Variants in MICAL2 observed in about 807,000 individuals in gnomAD.
The protein encoded by MICAL2 is [F-actin]-monooxygenase MICAL2.
Under a neutral mutation model 127.3 loss-of-function variants are expected in MICAL2, and 77 were observed. The ratio of observed to expected loss-of-function variants is 0.60; its 90% CI spans 0.50 to 0.73. The LOEUF (loss-of-function observed/expected upper bound fraction) is 0.73, where lower values mean the gene tolerates loss of function less well. Ranked by LOEUF, MICAL2 falls within the 30% of genes least tolerant of loss-of-function variation. The pLI is 0.00. For missense variants in MICAL2, 1,351 were observed against 1,434.4 expected (o/e 0.94, Z 0.94); for synonymous variants, 570 against 551.1 (o/e 1.03, Z -0.48).
chr11:12,349,896 G>A (rs931650071), exon 33 of MICAL2: 1 of 1,614,156 alleles, frequency 6.2e-7, no homozygotes, highest in Non-Finnish European at 8.5e-7. Context: ...TGGTTCTGGA[G>A]AAGAATAAAT....
At chr11:12,252,927 C>T (rs1348986758) in intron 22 of MICAL2, 1 of 152,274 alleles carries the variant, frequency 6.6e-6, no homozygotes, top group Non-Finnish European at 1.5e-5. Flanking sequence ...CCACATCTCC[C>T]AGAGGCTGGG....
At chr11:12,168,739 T>C (rs984727561) in intron 3 of MICAL2, among the ~76,000 whole-genome samples, 7 of 151,238 alleles carry the variant, frequency 4.6e-5, no homozygotes, top group African/African-American at 1.7e-4. Flanking sequence ...TAAGAAAATA[T>C]AGGGTGAGAC....
intron 32 of MICAL2, among the ~76,000 whole-genome samples, chr11:12,344,846 C>T (rs192925747): frequency 1.5e-3 from 231 of 151,088 alleles, no homozygotes; most frequent in African/African-American, 5.1e-3. Context: ...CGGTGGCTCA[C>T]GCCTGTAATC....
intron 15 of MICAL2, among the ~76,000 whole-genome samples, chr11:12,235,620 A>C (rs1858937477): frequency 6.6e-6 from 1 of 152,216 alleles, no homozygotes; most frequent in South Asian, 2.1e-4. Flanking sequence ...TGGTGAGTGA[A>C]TTGCAGACTT....
downstream of MICAL2, among the ~76,000 whole-genome samples, chr11:12,266,019 C>T (rs968758690): frequency 6.6e-5 from 10 of 151,974 alleles, no homozygotes; most frequent in Non-Finnish European, 1.0e-4. Flanking sequence ...GGCTGAGGCA[C>T]GAGAATCACT....
chr11:12,125,914 G>A (rs1164038600), intron 1 of MICAL2, among the ~76,000 whole-genome samples: 1 of 152,100 alleles, frequency 6.6e-6, no homozygotes, highest in Non-Finnish European at 1.5e-5. Context: ...TGCCTGATTG[G>A]CTAATGTGAA....
At chr11:12,171,409 T>C (rs1460223219) in intron 3 of MICAL2, among the ~76,000 whole-genome samples, 1 of 152,214 alleles carries the variant, frequency 6.6e-6, no homozygotes, top group Non-Finnish European at 1.5e-5. Context: ...TCCCTCTTCC[T>C]TGCTCACTGG....
chr11:12,199,002 T>C (rs1212898008), intron 3 of MICAL2, among the ~76,000 whole-genome samples: 1 of 152,202 alleles, frequency 6.6e-6, no homozygotes, highest in African/African-American at 2.4e-5. Flanking sequence ...CACTTCATCC[T>C]GACCTCACCA....
chr11:12,145,772 A>G (rs11022199), intron 2 of MICAL2, among the ~76,000 whole-genome samples: 72,566 of 152,082 alleles, frequency 0.48, 17,949 homozygotes, highest in South Asian at 0.68. Context: ...ATAGGCTCTT[A>G]TGCAGACTCT....
At chr11:12,242,909 C>A in intron 20 of MICAL2, 137 bp downstream of exon 20, 2 of 570,216 alleles carry the variant, frequency 3.5e-6, no homozygotes. Context: ...TTTCAAGCCA[C>A]CAAATAATAC....
intron 1 of MICAL2, among the ~76,000 whole-genome samples, chr11:12,112,780 A>G (rs1849705121): frequency 6.6e-6 from 1 of 152,046 alleles, no homozygotes. Context: ...ACTGATACCA[A>G]TCCATTATAC....
chr11:12,258,626 AG>A, intron 25 of MICAL2, 70 bp downstream of exon 25: 1 of 1,422,426 alleles, frequency 7.0e-7, no homozygotes, highest in Non-Finnish European at 9.8e-7. Flanking sequence ...TGATCCTCAA[AG>A]TTAGGCCAGC....
downstream of MICAL2, chr11:12,294,727 G>A (rs749633787): frequency 9.3e-6 from 15 of 1,613,818 alleles, no homozygotes; most frequent in Admixed American, 1.3e-4. Context: ...GGAAGGTGCT[G>A]CCTGAAGATA....
rs527371561 is a variant in MICAL2, at chr11:12,230,110, A to G, written c.1995+2979A>G. Among the ~76,000 whole-genome samples, 58 of 152,304 alleles carry G rather than the reference A, an allele frequency of 3.8e-4. No homozygotes were observed. In the Middle Eastern group the frequency reaches 0.017, roughly 45 times the overall value. ...TACCTCTGCATTCTGTCTACCACTC[A>G]ATGCCAGCACAGTGATCAGGGCCAC... On this transcript the variant is annotated intron_variant, in intron 15 of 27. Coordinates refer to ENST00000683283, the MANE Select transcript of MICAL2 (RefSeq NM_001282663.2).
At chr11:12,287,703 G>A (rs1863843766), downstream of MICAL2, among the ~76,000 whole-genome samples, 2 of 152,232 alleles carry the variant, frequency 1.3e-5, no homozygotes, top group Admixed American at 1.3e-4. Flanking sequence ...GTGTCCTGGG[G>A]AAGAGCAGGG....
intron 3 of MICAL2, among the ~76,000 whole-genome samples, chr11:12,184,468 C>T (rs950494146): frequency 1.3e-5 from 2 of 152,218 alleles, no homozygotes; most frequent in African/African-American, 4.8e-5. Flanking sequence ...TCTGAAATTC[C>T]AGCCCGGGAG....
intron 2 of MICAL2, among the ~76,000 whole-genome samples, chr11:12,151,235 G>A (rs1015895462): frequency 1.3e-5 from 2 of 152,192 alleles, no homozygotes; most frequent in Admixed American, 1.3e-4. Context: ...ACATGTGTGA[G>A]TGCCTACGTA....
chr11:12,274,047 G>A (rs973636115), upstream of MICAL2, among the ~76,000 whole-genome samples: 3 of 152,218 alleles, frequency 2.0e-5, no homozygotes, highest in South Asian at 2.1e-4. Context: ...TGAGGACTGG[G>A]ATTAAAACAA....
chr11:12,175,211 C>G lies in MICAL2; in HGVS notation c.264+12792C>G, dbSNP rs111738213. ...AACAGACAAACCGAGCACGATGGCT[C>G]ACGTCTGTAATCCCAGCACTTTGGG... On this transcript the variant is annotated intron_variant, in intron 3 of 27. Transcript: ENST00000683283. Among the ~76,000 whole-genome samples the G allele has an allele frequency of 2.9e-3, 441 of 152,098 alleles. 3 individuals are homozygous for G. Among genetic ancestry groups the G allele is most frequent in the African/African-American group, 0.01 (415 of 41,464 alleles).
Sources: allele counts gnomAD v4.1 joint callset (sites outside exome capture counted in the v4.1 genomes callset), GRCh38; gene constraint gnomAD v4.1.1; transcripts MANE v1.5; gene names NCBI Gene and HGNC (gene_info 2026-07-23, HGNC 2026-07-21).